Variants in SMURF1 observed in about 807,000 individuals in gnomAD.
The protein encoded by SMURF1 is E3 ubiquitin-protein ligase SMURF1.
Under a neutral mutation model 98.0 loss-of-function variants are expected in SMURF1, and 44 were observed. The observed-to-expected ratio is 0.45, with a 90% CI of 0.35 to 0.58. The LOEUF (loss-of-function observed/expected upper bound fraction) is 0.58. SMURF1 is among the 20% of genes least tolerant of loss of function. The probability of loss-of-function intolerance (pLI) is 0.00; values close to 1 mark genes in which losing one functional copy is unlikely to be tolerated. For missense variants in SMURF1, 687 were observed against 938.4 expected (o/e 0.73, Z 3.50); for synonymous variants, 396 against 374.9 (o/e 1.06, Z -0.65).
intron 1 of SMURF1, among the ~76,000 whole-genome samples, chr7:99,138,600 A>G (rs1198785240): frequency 6.6e-6 from 1 of 152,222 alleles, no homozygotes; most frequent in Non-Finnish European, 1.5e-5. Flanking sequence ...TTAAACTCTG[A>G]CAGATGGACT....
At position 99,035,559 on chromosome 7, in the gene SMURF1, G is replaced by C. The variant is rs756619083; in HGVS notation, c.1967C>G (p.Thr656Ser). ...TTGGAGCGGGACTCGCGTGGACCCA[G>C]TCACAAACTGCAGGAGCCTGGCCCT... Reference protein sequence around the residue: ...ERRARLLQFVTGSTRVPLQGF... With the variant: ...ERRARLLQFVSGSTRVPLQGF... Residue 656 changes from threonine to serine, a missense_variant, in exon 16 of 18, where the codon ACT becomes AGT. Transcript: ENST00000361368. 1.2e-6 allele frequency: 2 copies of C among 1,614,232 alleles called. No individual in the cohort carries two copies.
intron 11 of SMURF1, among the ~76,000 whole-genome samples, chr7:99,043,895 C>T (rs1463280876): frequency 6.6e-6 from 1 of 152,142 alleles, no homozygotes; most frequent in Admixed American, 6.5e-5. Context: ...ATGGACCTCA[C>T]CCAGGGAAGC....
chr7:99,121,493 G>C (rs1797621276), intron 1 of SMURF1, among the ~76,000 whole-genome samples: 1 of 152,106 alleles, frequency 6.6e-6, no homozygotes, highest in African/African-American at 2.4e-5. Context: ...GCAGATAACT[G>C]TGTAAAAGAA....
chr7:99,113,079 G>A (rs1412912759), intron 1 of SMURF1, among the ~76,000 whole-genome samples: 2 of 152,142 alleles, frequency 1.3e-5, no homozygotes, highest in Admixed American at 6.5e-5. Context: ...CCCAGAATGA[G>A]AGAAGAGAAA....
chr7:99,040,597 G>A (rs758441351), intron 12 of SMURF1, 41 bp from the exon 13 acceptor site: 8 of 1,375,930 alleles, frequency 5.8e-6, no homozygotes, highest in Middle Eastern at 2.7e-4. Flanking sequence ...TCAGCATGGT[G>A]CCGGCCAATG....
At chr7:99,089,193 ACT>A (rs1489595596) in intron 1 of SMURF1, among the ~76,000 whole-genome samples, 2 of 148,002 alleles carry the variant, frequency 1.4e-5, no homozygotes, top group African/African-American at 5.0e-5. Context: ...ACCTAGTGAG[ACT>A]CTGTCAAAAA....
chr7:99,126,169 G>A (rs1042427328), intron 1 of SMURF1, among the ~76,000 whole-genome samples: 3 of 152,110 alleles, frequency 2.0e-5, no homozygotes, highest in African/African-American at 7.2e-5. Context: ...ATTGACTGTA[G>A]TATTCAATGA....
intron 1 of SMURF1, among the ~76,000 whole-genome samples, chr7:99,079,226 C>T (rs1346160986): frequency 6.6e-6 from 1 of 152,208 alleles, no homozygotes; most frequent in Non-Finnish European, 1.5e-5. Flanking sequence ...GCCATGCCCA[C>T]CCCCCAGTGG....
At chr7:99,122,733 T>TTTTC (rs1212713304) in intron 1 of SMURF1, among the ~76,000 whole-genome samples, 9 of 135,082 alleles carry the variant, frequency 6.7e-5, no homozygotes, top group African/African-American at 2.4e-4. Context: ...CACAGGGCTT[T>TTTTC]TTTCTTTCTT....
intron 1 of SMURF1, among the ~76,000 whole-genome samples, chr7:99,115,148 A>G (rs746829263): frequency 1.3e-5 from 2 of 152,026 alleles, no homozygotes; most frequent in African/African-American, 4.8e-5. Context: ...TAGAGCACAG[A>G]TAAGTGAAAT....
intron 7 of SMURF1, among the ~76,000 whole-genome samples, 153 bp from the exon 8 acceptor site, chr7:99,051,594 CCT>C (rs1795753813): frequency 6.6e-6 from 1 of 152,104 alleles, no homozygotes; most frequent in Non-Finnish European, 1.5e-5. Flanking sequence ...CGAATAATCC[CCT>C]CTTCTCCATC....
chr7:99,057,110 A>G, intron 5 of SMURF1, 95 bp downstream of exon 5: 1 of 1,330,718 alleles, frequency 7.5e-7, no homozygotes, highest in East Asian at 2.3e-5. Context: ...GAGGCCCGTC[A>G]GCATCGTCAG....
At chr7:99,090,113 G>A (rs576264577) in intron 1 of SMURF1, among the ~76,000 whole-genome samples, 1 of 152,336 alleles carries the variant, frequency 6.6e-6, no homozygotes, top group East Asian at 1.9e-4. Context: ...TGAGAAACAG[G>A]TGGATAATTG....
At chr7:99,125,329 C>T (rs1439694572) in intron 1 of SMURF1, among the ~76,000 whole-genome samples, 3 of 152,184 alleles carry the variant, frequency 2.0e-5, no homozygotes, top group Non-Finnish European at 1.5e-5. Context: ...TCAAGCCATC[C>T]TCCCACCTTG....
chr7:99,044,241 G>A (rs1206347483), intron 11 of SMURF1, among the ~76,000 whole-genome samples: 1 of 152,182 alleles, frequency 6.6e-6, no homozygotes, highest in Non-Finnish European at 1.5e-5. Context: ...GAACCTGGGA[G>A]GTGGAGGTAG....
At chr7:99,068,873 CCCTAA>C (rs145469380) in intron 1 of SMURF1, among the ~76,000 whole-genome samples, 66,342 of 151,438 alleles carry the variant, frequency 0.44, 16,593 homozygotes, top group Non-Finnish European at 0.56. Flanking sequence ...CCTTGCTGGG[CCCTAA>C]CCTACATTCA....
At chr7:99,065,347 C>T (rs564261262) in intron 1 of SMURF1, among the ~76,000 whole-genome samples, 29 of 152,282 alleles carry the variant, frequency 1.9e-4, no homozygotes, top group Non-Finnish European at 5.9e-5. Flanking sequence ...CTCGGCCTCC[C>T]AAAATGCTGG....
chr7:99,134,258 A>G (rs1482193939), intron 1 of SMURF1, among the ~76,000 whole-genome samples: 7 of 151,978 alleles, frequency 4.6e-5, no homozygotes, highest in Non-Finnish European at 8.8e-5. Flanking sequence ...TCTGTGAACA[A>G]TTTCCTGGTT....
At position 99,028,791 on chromosome 7, in the gene SMURF1, G is replaced by C. The variant is rs968061266; in HGVS notation, c.*1793C>G. 1 of 152,244 alleles carries C rather than the reference G, an allele frequency of 6.6e-6. No individual in the cohort carries two copies. 9.4% of individuals were successfully genotyped at this position (152,244 alleles called of 1,614,324 possible). On this transcript the variant is annotated 3_prime_UTR_variant, in exon 18 of 18. Coordinates refer to ENST00000361368, the MANE Select transcript of SMURF1 (RefSeq NM_181349.3). ...TGTCTCTTCCGCCTCCCGCGGGTTA[G>C]GCTCGTGATAGAGAGTGGGCTGTCC... is the stretch of plus-strand genomic sequence containing the variant.
Sources: allele counts gnomAD v4.1 joint callset (sites outside exome capture counted in the v4.1 genomes callset), GRCh38; gene constraint gnomAD v4.1.1; transcripts MANE v1.5; gene names NCBI Gene and HGNC (gene_info 2026-07-23, HGNC 2026-07-21).